The following NBAS variants were observed in gnomAD, a reference collection of about 807,000 sequenced individuals.
NBAS encodes the protein NAG/BC035112 fusion.
A neutral mutation model predicts 302.5 loss-of-function variants in NBAS; 219 were observed. The observed-to-expected ratio is 0.72, with a 90% confidence interval of 0.65 to 0.81. The LOEUF is 0.81. Among genes scored for constraint, NBAS ranks in the 30% least tolerant of loss-of-function variants. NBAS has a pLI of 0.00. For synonymous variants in NBAS, 1,118 were observed against 1,021.6 expected (o/e 1.09, Z -1.80); for missense variants, 2,932 against 2,841.6 (o/e 1.03, Z -0.72).
At chr2:15,284,103 T>C (rs1476775593) in intron 42 of NBAS, among the ~76,000 whole-genome samples, 1 of 150,940 alleles carries the variant, frequency 6.6e-6, no homozygotes, top group African/African-American at 2.4e-5. Flanking sequence ...AAGCCATCAC[T>C]GCTATTTAAA....
chr2:14,905,869 C>A, the NBAS span, among the ~76,000 whole-genome samples: 1 of 152,156 alleles, frequency 6.6e-6, no homozygotes, highest in Non-Finnish European at 1.5e-5. Flanking sequence ...TTGTACAATG[C>A]CCCATTCAAA....
intron 18 of NBAS, 125 bp from the exon 19 acceptor site, chr2:15,467,532 G>T: frequency 2.4e-6 from 3 of 1,275,786 alleles, no homozygotes; most frequent in Non-Finnish European, 3.4e-6. Context: ...AAAGCACAAG[G>T]GTAAGATAAT....
Position 15,539,222 on chromosome 2 carries a change from C to G in NBAS, c.513+1G>C. 1 of 1,614,120 alleles carries G rather than the reference C, an allele frequency of 6.2e-7. No individual in the cohort carries two copies. The highest frequency in any genetic ancestry group is 1.1e-5 in the South Asian group (1 of 91,082). On this transcript the variant is annotated splice_donor_variant, in intron 7 of 51. Transcript: ENST00000281513. LOFTEE classifies it high-confidence loss of function. ...GTTTTCAATTTAAGCTATGTACATA[C>G]CGGGGAAATGACAAAGAGTTCACTT...
chr2:15,393,682 A>G (rs1675723030), intron 28 of NBAS: 1 of 470,720 alleles, frequency 2.1e-6, no homozygotes, highest in East Asian at 6.9e-5. Context: ...AAAAGCCAAA[A>G]CTCAAAATAA....
chr2:14,785,791 T>C, the NBAS span, among the ~76,000 whole-genome samples: 3 of 152,178 alleles, frequency 2.0e-5, no homozygotes, highest in South Asian at 6.2e-4. Context: ...CTTTTTTTGG[T>C]TGTGTCTCTG....
At chr2:15,195,129 T>C (rs1010839280) in intron 48 of NBAS, among the ~76,000 whole-genome samples, 5 of 152,180 alleles carry the variant, frequency 3.3e-5, no homozygotes, top group Non-Finnish European at 7.3e-5. Context: ...ATTATTTACA[T>C]GTATAGAATC....
At chr2:15,427,642 C>G in intron 22 of NBAS, 69 bp downstream of exon 22, 1 of 1,326,340 alleles carries the variant, frequency 7.5e-7, no homozygotes, top group Non-Finnish European at 1.1e-6. Context: ...TCAGACACCA[C>G]TTTCACAGGG....
At chr2:15,147,364 C>T in the NBAS span, among the ~76,000 whole-genome samples, 4 of 152,016 alleles carry the variant, frequency 2.6e-5, no homozygotes, top group East Asian at 1.9e-4. Context: ...GAGGCTGAAG[C>T]GGGTGGATCA....
chr2:15,352,677 C>T lies in NBAS; in HGVS notation c.4090-596G>A, dbSNP rs538648687. ...GCGTGCGCAGTGTGTTTACAGGAGTCGTATGCATGTTCAGCTGCAGCGTTC... is the reference window on the plus strand; with the variant it reads ...GCGTGCGCAGTGTGTTTACAGGAGTTGTATGCATGTTCAGCTGCAGCGTTC... On this transcript the variant is annotated intron_variant, in intron 34 of 51. Transcript: ENST00000281513. Among the ~76,000 whole-genome samples, 12 of 152,150 alleles carry T rather than the reference C, an allele frequency of 7.9e-5. No individual in the cohort carries two copies. The South Asian group carries it at 1.5e-3, about 19-fold the overall frequency.
chr2:15,462,854 T>C (rs1452918714), intron 19 of NBAS, among the ~76,000 whole-genome samples: 1 of 151,934 alleles, frequency 6.6e-6, no homozygotes, highest in African/African-American at 2.4e-5. Flanking sequence ...AGGAACAACA[T>C]TATTTAAAGG....
chr2:15,196,138 G>A (rs1414154583), intron 48 of NBAS, among the ~76,000 whole-genome samples: 1 of 152,068 alleles, frequency 6.6e-6, no homozygotes, highest in African/African-American at 2.4e-5. Context: ...ATTTGCCTCG[G>A]GCTCTCTCTG....
chr2:14,998,995 CCT>C, the NBAS span, among the ~76,000 whole-genome samples: 13 of 152,170 alleles, frequency 8.5e-5, no homozygotes, highest in African/African-American at 3.1e-4. Context: ...ACTGAGTGAG[CCT>C]CTCTCTCCTC....
intron 44 of NBAS, among the ~76,000 whole-genome samples, chr2:15,267,428 C>G (rs1295266346): frequency 6.6e-6 from 1 of 152,138 alleles, no homozygotes; most frequent in African/African-American, 2.4e-5. Flanking sequence ...TTTGTGTTCT[C>G]TAACCCTGAG....
the NBAS span, among the ~76,000 whole-genome samples, chr2:14,898,794 A>G: frequency 6.6e-6 from 1 of 152,228 alleles, no homozygotes; most frequent in Non-Finnish European, 1.5e-5. Context: ...TGTAAGTTCA[A>G]TTAAATCTCT....
the NBAS span, among the ~76,000 whole-genome samples, chr2:15,089,093 G>T: frequency 2.6e-5 from 4 of 152,162 alleles, no homozygotes; most frequent in Non-Finnish European, 5.9e-5. Flanking sequence ...AGTAGTAGAA[G>T]CCTTGGTCTC....
chr2:15,465,786 CAT>C (rs1318670174), intron 19 of NBAS, among the ~76,000 whole-genome samples: 6 of 151,842 alleles, frequency 4.0e-5, no homozygotes, highest in Admixed American at 2.0e-4. Context: ...TTACTACTAT[CAT>C]ATAGGGAATA....
intron 48 of NBAS, among the ~76,000 whole-genome samples, chr2:15,195,001 A>G (rs1399190081): frequency 6.6e-6 from 1 of 152,228 alleles, no homozygotes; most frequent in Non-Finnish European, 1.5e-5. Flanking sequence ...GAAACGAGTC[A>G]GGAATGTCAT....
At chr2:14,855,110 A>C in the NBAS span, among the ~76,000 whole-genome samples, 2 of 152,034 alleles carry the variant, frequency 1.3e-5, no homozygotes, top group Non-Finnish European at 2.9e-5. Flanking sequence ...CACTGGTCAG[A>C]GTTGTGAGGC....
intron 48 of NBAS, among the ~76,000 whole-genome samples, chr2:15,191,910 G>A (rs1361835711): frequency 5.3e-5 from 8 of 152,124 alleles, no homozygotes; most frequent in African/African-American, 1.4e-4. Flanking sequence ...CCTTGCATAC[G>A]TAAAATCATG....
Sources: allele counts gnomAD v4.1 joint callset (sites outside exome capture counted in the v4.1 genomes callset), GRCh38; gene constraint gnomAD v4.1.1; transcripts MANE v1.5; gene names NCBI Gene and HGNC (gene_info 2026-07-23, HGNC 2026-07-21).